The following NTS variants were observed in gnomAD, a reference collection of about 807,000 sequenced individuals.
The protein encoded by NTS is neurotensin/neuromedin N.
Under a neutral mutation model 19.5 loss-of-function variants are expected in NTS, and 20 were observed. That is an observed-to-expected ratio of 1.02 (90% CI 0.72 to 1.49). The LOEUF (loss-of-function observed/expected upper bound fraction) is 1.49, where lower values mean the gene tolerates loss of function less well. NTS is among the 40% of genes most tolerant of loss of function. The pLI is 0.00. For missense variants in NTS, 215 were observed against 193.1 expected, an observed-to-expected ratio of 1.11 and a Z score of -0.67; for synonymous variants, 71 against 63.3, an observed-to-expected ratio of 1.12 and a Z score of -0.58.
At chr12:85,876,060 C>T (rs1437663435) in intron 1 of NTS, among the ~76,000 whole-genome samples, 1 of 151,600 alleles carries the variant, frequency 6.6e-6, no homozygotes, top group African/African-American at 2.4e-5. Context: ...TCCTTAAATG[C>T]CTATGAAAAA....
At chr12:85,878,272 AGC>A in intron 2 of NTS, 71 bp from the exon 3 acceptor site, 2 of 1,067,366 alleles carry the variant, frequency 1.9e-6, no homozygotes, top group South Asian at 3.2e-5. Context: ...GTGATGGTTT[AGC>A]ACACTAGGAA....
chr12:85,882,447 T>C lies in NTS; in HGVS notation c.*72T>C. On this transcript the variant is annotated 3_prime_UTR_variant, in exon 4 of 4. Coordinates refer to ENST00000256010, the MANE Select transcript of NTS (RefSeq NM_006183.5). ...AATTAAATATCAAATTATATTTGTG[T>C]GAAAATGTGACAAACACACTTATCT... 2.5e-6 allele frequency: 3 copies of C among 1,214,160 alleles called. No individual in the cohort carries two copies. Among genetic ancestry groups the C allele is most frequent in the Non-Finnish European group, 3.4e-6 (3 of 874,688 alleles). 75.2% of individuals were successfully genotyped at this position (1,214,160 alleles called of 1,614,324 possible). A position where few individuals can be genotyped will look rare whatever the true frequency, so the allele number is the denominator to read the frequency against.
At chr12:85,876,370 T>G (rs1881344322) in intron 1 of NTS, among the ~76,000 whole-genome samples, 1 of 151,964 alleles carries the variant, frequency 6.6e-6, no homozygotes, top group African/African-American at 2.4e-5. Flanking sequence ...TTTTAAAGCC[T>G]GAAATTCAAA....
At chr12:85,877,574 G>A (rs1439101004) in intron 2 of NTS, among the ~76,000 whole-genome samples, 6 of 151,882 alleles carry the variant, frequency 4.0e-5, no homozygotes, top group Non-Finnish European at 8.8e-5. Context: ...CATATGCCTT[G>A]GTGGTTTTCT....
At position 85,882,635 on chromosome 12, in the gene NTS, C is replaced by T. The variant is rs1881528113; in HGVS notation, c.*260C>T. The T allele has an allele frequency of 3.5e-6, 1 of 287,770 alleles. No individual in the cohort carries two copies. The highest frequency in any genetic ancestry group is 5.1e-5 in the Admixed American group (1 of 19,634). 17.8% of individuals were successfully genotyped at this position (287,770 alleles called of 1,614,324 possible). A position where few individuals can be genotyped will look rare whatever the true frequency, so the allele number is the denominator to read the frequency against. On this transcript the variant is annotated 3_prime_UTR_variant, in exon 4 of 4. Coordinates refer to ENST00000256010, the MANE Select transcript of NTS (RefSeq NM_006183.5). Reference sequence around the variant, plus strand: ...TATAATGTTTTGTAATTTTGCAAAACATATCTTGAGTTGTTTAAACAGTCA... The same window carrying T: ...TATAATGTTTTGTAATTTTGCAAAATATATCTTGAGTTGTTTAAACAGTCA...
At chr12:85,878,314 TA>T in intron 2 of NTS, 30 bp from the exon 3 acceptor site, 1 of 1,491,050 alleles carries the variant, frequency 6.7e-7, no homozygotes, top group Non-Finnish European at 9.1e-7. Flanking sequence ...ACACAAGTTT[TA>T]ATTGCAGGGG....
chr12:85,878,592 A>G (rs755941969), intron 3 of NTS, 23 bp downstream of exon 3: 1 of 1,435,092 alleles, frequency 7.0e-7, no homozygotes, highest in Non-Finnish European at 9.7e-7. Flanking sequence ...CAAAATATTA[A>G]TATGATTATA....
At chr12:85,878,695 C>T (rs898392363) in intron 3 of NTS, 126 bp downstream of exon 3, 2 of 544,786 alleles carry the variant, frequency 3.7e-6, no homozygotes, top group Non-Finnish European at 5.9e-6. Context: ...AAGAACAAGC[C>T]ATGTTTTGAA....
chr12:85,880,438 C>G (rs1452692866), intron 3 of NTS, among the ~76,000 whole-genome samples: 3 of 152,114 alleles, frequency 2.0e-5, no homozygotes, highest in African/African-American at 7.2e-5. Flanking sequence ...TGGATTTACA[C>G]TAACATTGGG....
At chr12:85,876,510 T>C in intron 1 of NTS, 130 bp from the exon 2 acceptor site, 1 of 464,284 alleles carries the variant, frequency 2.2e-6, no homozygotes, top group South Asian at 7.0e-5. Context: ...TTAGGATTAC[T>C]ATTTTTAAGA....
rs115778769 is a variant in NTS, at chr12:85,874,633, C to T, written c.73+157C>T. 2.0e-3 allele frequency among the ~76,000 whole-genome samples: 311 copies of T among 152,206 alleles called. 2 individuals are homozygous for T. The highest frequency in any genetic ancestry group is 6.9e-3 in the African/African-American group (288 of 41,526). On this transcript the variant is annotated intron_variant, in intron 1 of 3. Coordinates refer to ENST00000256010, the MANE Select transcript of NTS (RefSeq NM_006183.5). ...AGAAACTGAGTATCTCTTTCTCTGCCTTTATGATTACTGAGAGATGTATTT... is the reference window on the plus strand; with the variant it reads ...AGAAACTGAGTATCTCTTTCTCTGCTTTTATGATTACTGAGAGATGTATTT...
intron 3 of NTS, among the ~76,000 whole-genome samples, chr12:85,880,216 C>T (rs1240850049): frequency 6.6e-6 from 1 of 151,898 alleles, no homozygotes; most frequent in Admixed American, 6.6e-5. Context: ...TTGCAAAATG[C>T]TTTACAATTT....
chr12:85,876,767 C>T, intron 2 of NTS, 66 bp downstream of exon 2: 2 of 822,624 alleles, frequency 2.4e-6, no homozygotes, highest in Non-Finnish European at 3.8e-6. Context: ...AACATGGTAT[C>T]CTTTTCCCAT....
At chr12:85,879,206 C>T (rs190847789) in intron 3 of NTS, among the ~76,000 whole-genome samples, 1 of 48,780 alleles carries the variant, frequency 2.1e-5, no homozygotes, top group Non-Finnish European at 4.3e-5. Flanking sequence ...ATTTTATGTA[C>T]GTAAAATATA....
At chr12:85,881,496 T>G (rs1054698716) in intron 3 of NTS, among the ~76,000 whole-genome samples, 1 of 152,178 alleles carries the variant, frequency 6.6e-6, no homozygotes, top group East Asian at 1.9e-4. Flanking sequence ...AAAAAAATTA[T>G]GCTTAATGTT....
intron 1 of NTS, among the ~76,000 whole-genome samples, chr12:85,875,649 T>G (rs1358073670): frequency 6.6e-6 from 1 of 152,026 alleles, no homozygotes; most frequent in East Asian, 1.9e-4. Flanking sequence ...GAAGAAAAAC[T>G]GGGTTATTGA....
chr12:85,876,998 G>A (rs1023292958), intron 2 of NTS, among the ~76,000 whole-genome samples: 5 of 152,110 alleles, frequency 3.3e-5, no homozygotes, highest in African/African-American at 1.2e-4. Context: ...TTTACATTGG[G>A]TATGATGAAA....
chr12:85,879,034 ATTTTTATGTACATAAAATAT>A (rs1881413193), intron 3 of NTS, among the ~76,000 whole-genome samples: 2 of 140,226 alleles, frequency 1.4e-5, no homozygotes, highest in Non-Finnish European at 3.2e-5. Flanking sequence ...ATAAAAATAT[ATTTTTATGTACATAAAATAT>A]ATTTTTATGT....
In NTS at chr12:85,877,053, C is replaced by T. The variant is rs183074224; in HGVS notation, c.135+352C>T. ...AAATGAAAACAAAGTGAGCTCTTTG[C>T]CTTTTTTATTATATTGGGGGAAATA... is the stretch of plus-strand genomic sequence containing the variant. On this transcript the variant is annotated intron_variant, in intron 2 of 3. Coordinates refer to ENST00000256010, the MANE Select transcript of NTS (RefSeq NM_006183.5). 8.0e-3 allele frequency among the ~76,000 whole-genome samples: 1,213 copies of T among 152,016 alleles called. 3 individuals carry two copies. Among genetic ancestry groups the T allele is most frequent in the Non-Finnish European group, 0.014 (968 of 67,940 alleles).
Sources: gnomAD v4.1 joint callset for allele counts (sites outside exome capture counted in the v4.1 genomes callset) on GRCh38, gnomAD v4.1.1 for gene constraint, MANE v1.5 for transcripts, NCBI Gene and HGNC (gene_info 2026-07-23, HGNC 2026-07-21) for gene names.